The following TET3 variants were observed in gnomAD, a reference collection of about 807,000 sequenced individuals.
TET3 encodes the protein methylcytosine dioxygenase TET3.
TET3 carries 19 observed loss-of-function variants against 141.4 expected under a neutral mutation model. The ratio of observed to expected loss-of-function variants is 0.13; its 90% confidence interval spans 0.09 to 0.20. The LOEUF (loss-of-function observed/expected upper bound fraction) is 0.20. Ranked by LOEUF, TET3 falls within the 10% of genes least tolerant of loss-of-function variation. The probability of loss-of-function intolerance (pLI) is 1.00; values close to 1 mark genes in which losing one functional copy is unlikely to be tolerated. For missense variants in TET3, 1,874 were observed against 2,356.9 expected (o/e 0.80, Z 4.24); for synonymous variants, 1,043 against 980.9 (o/e 1.06, Z -1.18).
Position 74,080,437 on chromosome 2 carries a change from C to CA in TET3, c.2586-57dup. 4.0e-6 allele frequency: 6 copies of CA among 1,493,572 alleles called. No homozygotes were observed. The South Asian group carries it at 7.1e-5, about 18-fold the overall frequency. The allele number at this position is 1,493,572 out of a possible 1,614,324, so 92.5% of individuals were successfully genotyped here. A position where few individuals can be genotyped will look rare whatever the true frequency, so the allele number is the denominator to read the frequency against. On this transcript the variant is annotated intron_variant, in intron 5 of 11. Transcript: ENST00000409262. ...AAGCACACTGAGGCTGTCTTCTGAC[C>CA]AAAAGTTGTTCTCCTTTGGGGTTCT...
chr2:74,018,310 C>T (rs1220227435), intron 3 of TET3, among the ~76,000 whole-genome samples: 2 of 151,958 alleles, frequency 1.3e-5, no homozygotes, highest in Admixed American at 6.6e-5. Flanking sequence ...TAGCTTTCAT[C>T]GTTATGAGGG....
At chr2:74,088,252 C>T (rs1445884698) in intron 7 of TET3, among the ~76,000 whole-genome samples, 3 of 152,324 alleles carry the variant, frequency 2.0e-5, no homozygotes, top group Admixed American at 6.5e-5. Flanking sequence ...ACTAGTTTGA[C>T]TTCACCGTTA....
At chr2:73,990,140 T>C (rs994500592) in intron 2 of TET3, among the ~76,000 whole-genome samples, 1 of 151,448 alleles carries the variant, frequency 6.6e-6, no homozygotes, top group African/African-American at 2.4e-5. Context: ...ACTCCTGTAA[T>C]CCCAGAGCTT....
At chr2:73,996,629 T>C (rs1684606172) in intron 2 of TET3, among the ~76,000 whole-genome samples, 1 of 152,192 alleles carries the variant, frequency 6.6e-6, no homozygotes, top group South Asian at 2.1e-4. Flanking sequence ...TGCCTTAGCC[T>C]CCTGAGTAGC....
chr2:74,060,808 A>G (rs146591220), intron 4 of TET3, among the ~76,000 whole-genome samples: 4,782 of 152,350 alleles, frequency 0.031, 108 homozygotes, highest in Non-Finnish European at 0.052. Context: ...CTGAGTGGAC[A>G]TAGCACATGT....
intron 4 of TET3, among the ~76,000 whole-genome samples, chr2:74,073,007 ATGT>A (rs1558769115): frequency 6.6e-6 from 1 of 152,214 alleles, no homozygotes; most frequent in African/African-American, 2.4e-5. Context: ...ATGGATGATT[ATGT>A]TGTTTTCACC....
intron 5 of TET3, 119 bp from the exon 6 acceptor site, chr2:74,080,379 G>T: frequency 2.4e-6 from 2 of 827,998 alleles, no homozygotes; most frequent in Non-Finnish European, 2.0e-6. Context: ...TTTCTTCTCT[G>T]TTGCCCCCGA....
At chr2:74,054,136 G>C (rs1027880124) in intron 4 of TET3, among the ~76,000 whole-genome samples, 3 of 152,126 alleles carry the variant, frequency 2.0e-5, no homozygotes, top group African/African-American at 7.2e-5. Flanking sequence ...CGGGTGTGAC[G>C]GGTGTGGAGG....
Position 74,100,685 on chromosome 2 carries a change from G to A in TET3, c.3897G>A (p.Gln1299=), listed in dbSNP as rs752478453. The A allele has an allele frequency of 3.7e-5, 60 of 1,613,894 alleles. 1 individual carries two copies. The South Asian group carries it at 6.4e-4, about 17-fold the overall frequency. Residue 1299 remains glutamine, a synonymous_variant, in exon 12 of 12, where the codon CAG becomes CAA. Coordinates refer to ENST00000409262, the MANE Select transcript of TET3 (RefSeq NM_001287491.2). ...CCAGCAACCCCGTCTTCCCCTCTCA[G>A]TTCCTGGGTCCTGGTGCCTGGGGGC... ...FPSSNPVFPS[Q]FLGPGAWGHS...
At chr2:74,097,723 G>A (rs1029508674) in intron 10 of TET3, among the ~76,000 whole-genome samples, 1 of 152,202 alleles carries the variant, frequency 6.6e-6, no homozygotes, top group African/African-American at 2.4e-5. Context: ...CAGGCTCTGA[G>A]CTATGGGGTG....
chr2:74,071,366 T>G (rs779517139), intron 4 of TET3, among the ~76,000 whole-genome samples: 24 of 152,246 alleles, frequency 1.6e-4, no homozygotes, highest in South Asian at 4.1e-4. Context: ...AGTGTTGCTG[T>G]GAAAATCTTT....
chr2:74,047,516 C>T lies in TET3; in HGVS notation c.1599C>T (p.His533=), dbSNP rs1438748248. ...AGACCGCCCTGCAGCAGCACCTCCA[C>T]CACAAGCGCAGCCTCTTCCTAGAAC... The part of the protein sequence containing the change: ...KAQTALQQHL[H]HKRSLFLEQV... The change falls in exon 4 of 12, where the codon CAC becomes CAT. Residue 533 remains histidine, a synonymous_variant. Transcript: ENST00000409262. 6.2e-7 allele frequency: 1 copy of T among 1,613,328 alleles called. No individual in the cohort carries two copies. The highest frequency in any genetic ancestry group is 8.5e-7 in the Non-Finnish European group (1 of 1,179,886).
At chr2:74,008,442 T>A (rs1410348049) in intron 3 of TET3, among the ~76,000 whole-genome samples, 1 of 152,204 alleles carries the variant, frequency 6.6e-6, no homozygotes, top group East Asian at 1.9e-4. Context: ...TAGATGCTGG[T>A]GTGGACTTGG....
At chr2:74,083,317 A>G (rs1057180611) in intron 6 of TET3, among the ~76,000 whole-genome samples, 4 of 152,244 alleles carry the variant, frequency 2.6e-5, no homozygotes, top group African/African-American at 9.6e-5. Context: ...AAAGAACTCC[A>G]GAGATGCTGC....
chr2:74,002,102 T>TAAGAGTATGGTCTTCAGAGCC (rs1684877707), intron 2 of TET3, among the ~76,000 whole-genome samples: 1 of 152,116 alleles, frequency 6.6e-6, no homozygotes, highest in South Asian at 2.1e-4. Flanking sequence ...GCATAGCTGT[T>TAAGAGTATGGTCTTCAGAGCC]AAGAGTATGG....
chr2:74,008,759 A>AG (rs1685272935), intron 3 of TET3, among the ~76,000 whole-genome samples: 1 of 151,354 alleles, frequency 6.6e-6, no homozygotes, highest in Non-Finnish European at 1.5e-5. Context: ...GAGAGTAGGA[A>AG]GGGAGGGGTG....
downstream of TET3, among the ~76,000 whole-genome samples, chr2:74,110,828 G>C (rs1304339933): frequency 2.6e-5 from 4 of 152,168 alleles, no homozygotes; most frequent in Admixed American, 6.5e-5. Context: ...ACCCTGTGCT[G>C]CTCCTGTGGA....
chr2:74,072,095 C>T (rs1481744453), intron 4 of TET3, among the ~76,000 whole-genome samples: 1 of 152,200 alleles, frequency 6.6e-6, no homozygotes, highest in East Asian at 1.9e-4. Context: ...CATTCCTACC[C>T]AGCCCCCAGC....
At chr2:74,130,094 C>CAA in the TET3 span, among the ~76,000 whole-genome samples, 2,544 of 126,550 alleles carry the variant, frequency 0.02, 58 homozygotes, top group African/African-American at 0.053. Flanking sequence ...GAGTCTGTCT[C>CAA]AAAAAAAAAA....
Sources: allele counts gnomAD v4.1 joint callset (sites outside exome capture counted in the v4.1 genomes callset), GRCh38; gene constraint gnomAD v4.1.1; transcripts MANE v1.5; gene names NCBI Gene and HGNC (gene_info 2026-07-23, HGNC 2026-07-21).